Variants in NUFIP1 observed in about 807,000 individuals in gnomAD.
NUFIP1 encodes the protein nuclear FMR1 interacting protein 1.
NUFIP1 carries 38 observed loss-of-function variants against 56.2 expected under a neutral mutation model. That is an observed-to-expected ratio of 0.68 (90% CI 0.52 to 0.89). NUFIP1 has a LOEUF of 0.89. Among genes scored for constraint, NUFIP1 ranks in the 40% least tolerant of loss-of-function variants. NUFIP1 has a pLI of 0.00. For missense variants in NUFIP1, 567 were observed against 605.8 expected (o/e 0.94, Z 0.67); for synonymous variants, 215 against 212.4 (o/e 1.01, Z -0.10).
At chr13:44,956,449 A>G (rs1871247351) in intron 7 of NUFIP1, among the ~76,000 whole-genome samples, 1 of 152,202 alleles carries the variant, frequency 6.6e-6, no homozygotes, top group Admixed American at 6.5e-5. Flanking sequence ...ATGATTCAGC[A>G]CATTACACTT....
At chr13:44,976,091 A>G (rs976074860) in intron 5 of NUFIP1, among the ~76,000 whole-genome samples, 2 of 152,058 alleles carry the variant, frequency 1.3e-5, no homozygotes, top group African/African-American at 4.8e-5. Flanking sequence ...AGTTGAACCA[A>G]CCTCTAACTG....
At chr13:44,969,558 C>G (rs1871732259) in intron 5 of NUFIP1, among the ~76,000 whole-genome samples, 1 of 152,146 alleles carries the variant, frequency 6.6e-6, no homozygotes, top group African/African-American at 2.4e-5. Context: ...TTTTTATCTA[C>G]TAAAATCATT....
chr13:44,979,141 G>A lies in NUFIP1; in HGVS notation c.734+49C>T, dbSNP rs777198534. The stretch of plus-strand genomic sequence containing the variant: ...TCAATGAATTTAACTACATTAATAA[G>A]CCTTGTCACAGTAAAACAGTTATTT... On this transcript the variant is annotated intron_variant, in intron 5 of 9. Transcript: ENST00000379161. 13 of 1,397,634 alleles carry A rather than the reference G, an allele frequency of 9.3e-6. No homozygotes were observed. In the South Asian group the frequency reaches 1.6e-4, roughly 17 times the overall value. The allele number at this position is 1,397,634 out of a possible 1,614,324, so 86.6% of individuals were successfully genotyped here. A position where few individuals can be genotyped will look rare whatever the true frequency, so the allele number is the denominator to read the frequency against.
chr13:44,989,242 C>T lies in NUFIP1; in HGVS notation c.195G>A (p.Ser65=). Residue 65 remains serine, a synonymous_variant, in exon 1 of 10, where the codon TCG becomes TCA. Transcript: ENST00000379161. The part of the protein sequence containing the change: ...PAAGSKPSSE[S]QPPMEAQSLP... Reference sequence around the variant, plus strand: ...GAGACTGGGCCTCCATGGGGGGCTGCGACTCAGAGGAAGGCTTTGACCCGG... The same window carrying T: ...GAGACTGGGCCTCCATGGGGGGCTGTGACTCAGAGGAAGGCTTTGACCCGG... 2.5e-6 allele frequency: 4 copies of T among 1,612,298 alleles called. No individual in the cohort carries two copies. The highest frequency in any genetic ancestry group is 3.4e-6 in the Non-Finnish European group (4 of 1,179,262).
intron 6 of NUFIP1, among the ~76,000 whole-genome samples, chr13:44,962,354 G>A (rs1871452420): frequency 6.6e-6 from 1 of 152,188 alleles, no homozygotes; most frequent in Admixed American, 6.5e-5. Flanking sequence ...TAAGTTAGGT[G>A]ATTGTTTCTC....
chr13:44,969,686 A>G (rs144840594), intron 5 of NUFIP1, among the ~76,000 whole-genome samples: 1 of 152,020 alleles, frequency 6.6e-6, no homozygotes, highest in East Asian at 1.9e-4. Flanking sequence ...CTCATTGCCT[A>G]TACCTTATGC....
At chr13:44,953,355 T>C (rs1871137821) in intron 7 of NUFIP1, among the ~76,000 whole-genome samples, 1 of 152,180 alleles carries the variant, frequency 6.6e-6, no homozygotes, top group Non-Finnish European at 1.5e-5. Flanking sequence ...AATTTTACCA[T>C]TCATCAGTGG....
At chr13:44,978,457 T>C (rs547417908) in intron 5 of NUFIP1, among the ~76,000 whole-genome samples, 1 of 152,356 alleles carries the variant, frequency 6.6e-6, no homozygotes, top group Admixed American at 6.5e-5. Flanking sequence ...ACAGTAGTTC[T>C]GCATAGTCTT....
intron 1 of NUFIP1, 145 bp downstream of exon 1, chr13:44,988,880 G>T: frequency 1.4e-6 from 1 of 732,360 alleles, no homozygotes; most frequent in Non-Finnish European, 2.2e-6. Flanking sequence ...GTAGAGACGG[G>T]GGTCTCACTT....
intron 5 of NUFIP1, among the ~76,000 whole-genome samples, chr13:44,972,718 A>C (rs1593367248): frequency 6.6e-6 from 1 of 152,204 alleles, no homozygotes; most frequent in East Asian, 1.9e-4. Context: ...CCCCTCCAAA[A>C]ACTCAAATAT....
At chr13:44,979,349 A>G in intron 4 of NUFIP1, 83 bp from the exon 5 acceptor site, 2 of 1,099,950 alleles carry the variant, frequency 1.8e-6, no homozygotes, top group Non-Finnish European at 2.6e-6. Flanking sequence ...CTACAAGTAA[A>G]CTTATGTTGG....
intron 8 of NUFIP1, among the ~76,000 whole-genome samples, chr13:44,946,754 T>G (rs1333476): frequency 0.079 from 12,046 of 152,188 alleles, 730 homozygotes; most frequent in East Asian, 0.2. Context: ...TGTTCCTATA[T>G]ATTTAGAATC....
At chr13:44,952,534 G>C (rs1357470789) in intron 7 of NUFIP1, among the ~76,000 whole-genome samples, 1 of 152,162 alleles carries the variant, frequency 6.6e-6, no homozygotes, top group African/African-American at 2.4e-5. Flanking sequence ...TCATGAAGCC[G>C]AGGGCAAGGC....
At position 44,941,200 on chromosome 13, in the gene NUFIP1, A is replaced by G. The variant is rs1457964129; in HGVS notation, c.*6T>C. 2 of 1,408,936 alleles carry G rather than the reference A, an allele frequency of 1.4e-6. No homozygotes were observed. The highest frequency in any genetic ancestry group is 1.2e-5 in the South Asian group (1 of 84,598). The allele number at this position is 1,408,936 out of a possible 1,614,324, so 87.3% of individuals were successfully genotyped here. A position where few individuals can be genotyped will look rare whatever the true frequency, so the allele number is the denominator to read the frequency against. Reference sequence around the variant, plus strand: ...CTTCAGTTATGTATGCTGAAACACCAGATGCCTATACATCTTTACTTTTCG... The same window carrying G: ...CTTCAGTTATGTATGCTGAAACACCGGATGCCTATACATCTTTACTTTTCG... On this transcript the variant is annotated 3_prime_UTR_variant, in exon 10 of 10. Transcript: ENST00000379161.
intron 7 of NUFIP1, among the ~76,000 whole-genome samples, chr13:44,959,005 A>G (rs144067835): frequency 2.0e-5 from 3 of 152,342 alleles, no homozygotes; most frequent in Non-Finnish European, 2.9e-5. Flanking sequence ...CATAAAGTAT[A>G]CTGACTTCCG....
rs1157904040 is a variant in NUFIP1 at position 44,941,123 on chromosome 13, A to C, written c.*83T>G. The C allele has an allele frequency of 3.0e-6, 2 of 662,278 alleles. No individual in the cohort carries two copies. The highest frequency in any genetic ancestry group is 5.5e-5 in the Admixed American group (2 of 36,328). The allele number at this position is 662,278 out of a possible 1,614,324, so 41.0% of individuals were successfully genotyped here. A position where few individuals can be genotyped will look rare whatever the true frequency, so the allele number is the denominator to read the frequency against. On this transcript the variant is annotated 3_prime_UTR_variant, in exon 10 of 10. Coordinates refer to ENST00000379161, the MANE Select transcript of NUFIP1 (RefSeq NM_012345.3). ...TTAATTACAAATCCAATTTTGACGG[A>C]AAAAAGGGTTTTGGTTTTCCTCTAC...
intron 5 of NUFIP1, among the ~76,000 whole-genome samples, chr13:44,968,427 T>C (rs955817616): frequency 1.4e-5 from 2 of 147,936 alleles, no homozygotes; most frequent in Non-Finnish European, 3.0e-5. Flanking sequence ...AAAAAAGACT[T>C]GGAAGGGATT....
rs1391323631 is a variant in NUFIP1 at position 44,989,335 on chromosome 13, C to A, written c.102G>T (p.Arg34=). Residue 34 remains arginine (R), a synonymous_variant, in exon 1 of 10, where the codon CGG becomes CGT. Transcript: ENST00000379161. The stretch of plus-strand genomic sequence containing the variant: ...GCATTGCCCAGAACATCCAGCTGTC[C>A]CGCGGCGGGGCAGTGTCGCTCAGGG... ...LGPLSDTAPP[R]DSWMFWAMLP... 6.2e-7 allele frequency: 1 copy of A among 1,613,352 alleles called. No homozygotes were observed. Among genetic ancestry groups the A allele is most frequent in the Non-Finnish European group, 8.5e-7 (1 of 1,179,846 alleles).
intron 6 of NUFIP1, 71 bp from the exon 7 acceptor site, chr13:44,959,645 C>T (rs1871356440): frequency 7.7e-7 from 1 of 1,305,946 alleles, no homozygotes; most frequent in Non-Finnish European, 1.1e-6. Flanking sequence ...AAAAAGACTA[C>T]TAGATACAAA....
Sources: gnomAD v4.1 joint callset for allele counts (sites outside exome capture counted in the v4.1 genomes callset) on GRCh38, gnomAD v4.1.1 for gene constraint, MANE v1.5 for transcripts, NCBI Gene and HGNC (gene_info 2026-07-23, HGNC 2026-07-21) for gene names.